PRKN: variants seen among roughly 807,000 people sequenced by gnomAD.
PRKN encodes parkin RBR E3 ubiquitin protein ligase.
In PRKN, 56 loss-of-function variants were observed where a neutral mutation model predicts 59.5. That is an observed-to-expected ratio of 0.94 (90% CI 0.76 to 1.18). PRKN has a LOEUF of 1.18. Among genes scored for constraint, PRKN ranks in the 50% most tolerant of loss-of-function variants. PRKN has a pLI of 0.00. For missense variants in PRKN, 657 were observed against 596.4 expected (o/e 1.10, Z -1.06); for synonymous variants, 250 against 222.1 (o/e 1.13, Z -1.12).
At chr6:162,322,624 C>A (rs1180490358) in intron 2 of PRKN, among the ~76,000 whole-genome samples, 3 of 151,986 alleles carry the variant, frequency 2.0e-5, no homozygotes, top group Admixed American at 1.3e-4. Context: ...AGGGTAAATT[C>A]AAAAATATGT....
At chr6:161,631,035 G>A (rs1452569166) in intron 7 of PRKN, among the ~76,000 whole-genome samples, 1 of 152,242 alleles carries the variant, frequency 6.6e-6, no homozygotes, top group Non-Finnish European at 1.5e-5. Context: ...TTCTAGGCAG[G>A]CTGCTCCTGC....
At chr6:162,431,922 C>T (rs1256313692) in intron 2 of PRKN, among the ~76,000 whole-genome samples, 2 of 152,078 alleles carry the variant, frequency 1.3e-5, no homozygotes, top group Admixed American at 1.3e-4. Flanking sequence ...AAAAGTAATA[C>T]CCCTTGATAT....
intron 9 of PRKN, among the ~76,000 whole-genome samples, chr6:161,510,732 A>T (rs1778354156): frequency 6.6e-6 from 1 of 152,218 alleles, no homozygotes; most frequent in South Asian, 2.1e-4. Context: ...CTTCAAGAAA[A>T]TAATAGCAAG....
At chr6:162,479,281 G>A (rs1022740361) in intron 1 of PRKN, among the ~76,000 whole-genome samples, 1 of 151,350 alleles carries the variant, frequency 6.6e-6, no homozygotes, top group Non-Finnish European at 1.5e-5. Flanking sequence ...GTTGGAGTGC[G>A]GTGGTGTGAT....
chr6:162,293,307 A>G lies in PRKN; in HGVS notation c.172-30542T>C, dbSNP rs1379752577. On this transcript the variant is annotated intron_variant, in intron 2 of 11. Transcript: ENST00000366898. ...AGAAGAGGGAAAGAACCCGAATGGG[A>G]AAGAGTATTTCTCAAAGGGGCCCAA... Among the ~76,000 whole-genome samples, 3 of 152,350 alleles carry G rather than the reference A, an allele frequency of 2.0e-5. No homozygotes were observed. The East Asian group carries it at 5.8e-4, about 29-fold the overall frequency.
At chr6:162,188,365 C>A (rs912950346) in intron 4 of PRKN, among the ~76,000 whole-genome samples, 3 of 152,150 alleles carry the variant, frequency 2.0e-5, no homozygotes, top group African/African-American at 7.2e-5. Context: ...GTGGCTGCCA[C>A]ACCTGCTCGC....
chr6:162,120,947 T>C (rs1027740943), intron 4 of PRKN, among the ~76,000 whole-genome samples: 6 of 152,228 alleles, frequency 3.9e-5, no homozygotes, highest in Non-Finnish European at 7.3e-5. Context: ...TAGCTTGTGA[T>C]TGCAATTGCA....
chr6:162,689,171 C>G (rs563458098), intron 1 of PRKN, among the ~76,000 whole-genome samples: 18 of 152,302 alleles, frequency 1.2e-4, no homozygotes, highest in African/African-American at 4.3e-4. Context: ...CCTACAAGGG[C>G]TCTGCAACCC....
At chr6:161,631,978 T>C (rs1010040117) in intron 7 of PRKN, among the ~76,000 whole-genome samples, 1 of 152,218 alleles carries the variant, frequency 6.6e-6, no homozygotes, top group East Asian at 1.9e-4. Flanking sequence ...CTATTTCTTG[T>C]TGAGTTCTTT....
rs1483058998 is a variant in PRKN, at chr6:161,414,146, A to G, written c.1084-27269T>C. 6.6e-6 allele frequency among the ~76,000 whole-genome samples: 1 copy of G among 152,172 alleles called. No homozygotes were observed. Among genetic ancestry groups the G allele is most frequent in the Admixed American group, 6.5e-5 (1 of 15,276 alleles). ...TTTGCTGCAAATGGCTCTCTGGAGCACAAACTCTCAACAAGGTGGAAACTC... is the reference window on the plus strand; with the variant it reads ...TTTGCTGCAAATGGCTCTCTGGAGCGCAAACTCTCAACAAGGTGGAAACTC... On this transcript the variant is annotated intron_variant, in intron 9 of 11. Coordinates refer to ENST00000366898, the MANE Select transcript of PRKN (RefSeq NM_004562.3). The surrounding 1 kb of genome is among the most constrained non-coding windows in gnomAD (Gnocchi z 5.3).
At position 161,566,328 on chromosome 6, in the gene PRKN, C is replaced by T. The variant is rs1003320614; in HGVS notation, c.933+3027G>A. 3.9e-5 allele frequency among the ~76,000 whole-genome samples: 6 copies of T among 152,220 alleles called. No individual in the cohort carries two copies. Among genetic ancestry groups the T allele is most frequent in the South Asian group, 2.1e-4 (1 of 4,828 alleles). ...TTCTTGCTGAGCATAGGACACAGAT[C>T]ATGATTCCTCCTCCTAAAGATGCCT... On this transcript the variant is annotated intron_variant, in intron 8 of 11. Coordinates refer to ENST00000366898, the MANE Select transcript of PRKN (RefSeq NM_004562.3). The surrounding 1 kb of genome is among the most constrained non-coding windows in gnomAD (Gnocchi z 4.1).
intron 4 of PRKN, among the ~76,000 whole-genome samples, chr6:162,162,009 A>AT (rs1285949072): frequency 3.9e-5 from 6 of 152,192 alleles, no homozygotes; most frequent in Admixed American, 3.9e-4. Flanking sequence ...AAGAAACAAA[A>AT]TGATAAAAAA....
chr6:161,658,546 AAAGG>A (rs1462056894), intron 7 of PRKN, among the ~76,000 whole-genome samples: 1 of 152,236 alleles, frequency 6.6e-6, no homozygotes, highest in Non-Finnish European at 1.5e-5. Context: ...GGATCTGGAT[AAAGG>A]TCATATTTTT....
chr6:162,549,438 A>C (rs942892509), intron 1 of PRKN, among the ~76,000 whole-genome samples: 3 of 152,198 alleles, frequency 2.0e-5, no homozygotes, highest in Non-Finnish European at 4.4e-5. Context: ...AAATTATGTC[A>C]ACAGCACCCT....
chr6:161,441,287 T>C (rs1450719189), intron 9 of PRKN, among the ~76,000 whole-genome samples: 1 of 152,168 alleles, frequency 6.6e-6, no homozygotes. Context: ...TGGGATGTGG[T>C]TGGAAGCTCT....
Position 161,419,774 on chromosome 6 carries a change from C to T in PRKN, c.1084-32897G>A, listed in dbSNP as rs1183140885. Among the ~76,000 whole-genome samples, 1 of 151,914 alleles carries T rather than the reference C, an allele frequency of 6.6e-6. No individual in the cohort carries two copies. The highest frequency in any genetic ancestry group is 2.4e-5 in the African/African-American group (1 of 41,266). ...CCGGAGTTCAGTTCTAGTCCTCCTA[C>T]TTCCGACTGATAGTGGCTCTGAGTA... is the stretch of plus-strand genomic sequence containing the variant. On this transcript the variant is annotated intron_variant, in intron 9 of 11. Transcript: ENST00000366898. This position sits in a 1 kb window ranked among gnomAD's most constrained non-coding sequence, Gnocchi z 4.1.
chr6:161,880,554 G>C (rs1794895628), intron 6 of PRKN, among the ~76,000 whole-genome samples: 1 of 152,186 alleles, frequency 6.6e-6, no homozygotes, highest in Non-Finnish European at 1.5e-5. Context: ...TCCCCGGAAA[G>C]ACAGTGCGGT....
intron 4 of PRKN, among the ~76,000 whole-genome samples, chr6:162,113,981 C>A (rs1170547361): frequency 6.6e-6 from 1 of 151,730 alleles, no homozygotes; most frequent in Admixed American, 6.6e-5. Flanking sequence ...AATCCTTTCC[C>A]CATTGCTTGT....
intron 1 of PRKN, among the ~76,000 whole-genome samples, chr6:162,519,244 G>A (rs762821041): frequency 8.5e-5 from 13 of 152,108 alleles, no homozygotes; most frequent in Non-Finnish European, 1.6e-4. Flanking sequence ...TTTAAAATAC[G>A]GAATAACTTA....
Sources: allele counts gnomAD v4.1 joint callset (sites outside exome capture counted in the v4.1 genomes callset), GRCh38; gene constraint gnomAD v4.1.1; non-coding constraint Gnocchi (gnomAD v3.1); transcripts MANE v1.5; gene names NCBI Gene and HGNC (gene_info 2026-07-23, HGNC 2026-07-21).